Variants in LRMDA observed in about 807,000 individuals in gnomAD.
The protein encoded by LRMDA is leucine-rich melanocyte differentiation-associated protein.
LRMDA carries 18 observed loss-of-function variants against 29.8 expected under a neutral mutation model. The observed-to-expected ratio is 0.60, with a 90% CI of 0.42 to 0.90. The LOEUF is 0.90. LRMDA is among the 40% of genes least tolerant of loss of function. The probability of loss-of-function intolerance (pLI) is 0.00; values close to 1 mark genes in which losing one functional copy is unlikely to be tolerated. For missense variants in LRMDA, 273 were observed against 273.9 expected, an observed-to-expected ratio of 1.00 and a Z score of 0.02; for synonymous variants, 125 against 109.4, an observed-to-expected ratio of 1.14 and a Z score of -0.89.
intron 2 of LRMDA, among the ~76,000 whole-genome samples, chr10:75,732,380 G>C (rs190211527): frequency 6.6e-6 from 1 of 152,320 alleles, no homozygotes; most frequent in Admixed American, 6.5e-5. Flanking sequence ...TCTTGGGCAA[G>C]AGTACAAATG....
intron 6 of LRMDA, among the ~76,000 whole-genome samples, chr10:76,511,516 T>C (rs772643930): frequency 5.9e-5 from 9 of 152,088 alleles, no homozygotes; most frequent in Non-Finnish European, 8.8e-5. Flanking sequence ...TTAGAACTAA[T>C]ACATGAGTTA....
At chr10:76,374,127 T>C (rs1841487802) in intron 6 of LRMDA, among the ~76,000 whole-genome samples, 1 of 152,228 alleles carries the variant, frequency 6.6e-6, no homozygotes, top group Non-Finnish European at 1.5e-5. Flanking sequence ...CACTAACGGA[T>C]CATTCATTAT....
chr10:75,711,919 AACACACACAC>A (rs146819347), intron 2 of LRMDA, among the ~76,000 whole-genome samples: 2 of 149,240 alleles, frequency 1.3e-5, no homozygotes, highest in South Asian at 4.3e-4. Flanking sequence ...TTGAAGGTAA[AACACACACAC>A]ACACACACAC....
In LRMDA at chr10:76,058,795, A is replaced by T. The variant is rs1171702321; in HGVS notation, c.516+12A>T. 2 of 1,588,012 alleles carry T rather than the reference A, an allele frequency of 1.3e-6. No homozygotes were observed. ...TGGTGAAGCCCAAGGTGAGCTGCCT[A>T]CTTGCTGTTCTTCACAAGGGATTTA... is the stretch of plus-strand genomic sequence containing the variant. On this transcript the variant is annotated intron_variant, in intron 5 of 6. Transcript: ENST00000611255.
intron 2 of LRMDA, among the ~76,000 whole-genome samples, chr10:75,632,766 TGTTTA>T (rs1564526933): frequency 2.6e-5 from 4 of 151,134 alleles, no homozygotes; most frequent in East Asian, 1.9e-4. Context: ...TTAGTTTTTT[TGTTTA>T]GTTTAGTTTA....
At chr10:75,991,669 A>G (rs1199675468) in intron 2 of LRMDA, among the ~76,000 whole-genome samples, 1 of 152,206 alleles carries the variant, frequency 6.6e-6, no homozygotes, top group African/African-American at 2.4e-5. Flanking sequence ...AGTGGTACCT[A>G]CTAGAGTTGA....
At chr10:75,533,425 G>GTT (rs892924941) in intron 2 of LRMDA, among the ~76,000 whole-genome samples, 46 of 152,338 alleles carry the variant, frequency 3.0e-4, no homozygotes, top group African/African-American at 1.0e-3. Flanking sequence ...GCCTGGGAGA[G>GTT]TTTCGTGCAG....
At chr10:76,157,744 A>C (rs1364277680) in intron 5 of LRMDA, among the ~76,000 whole-genome samples, 1 of 152,096 alleles carries the variant, frequency 6.6e-6, no homozygotes, top group Non-Finnish European at 1.5e-5. Flanking sequence ...GTGTATAGGC[A>C]TGTGTCACTT....
At chr10:75,584,530 G>T (rs1840634564) in intron 2 of LRMDA, among the ~76,000 whole-genome samples, 1 of 152,176 alleles carries the variant, frequency 6.6e-6, no homozygotes, top group South Asian at 2.1e-4. Flanking sequence ...TGGATGTGTG[G>T]ATGGGTAGAT....
At chr10:76,183,043 C>T (rs539750206) in intron 5 of LRMDA, among the ~76,000 whole-genome samples, 1 of 152,120 alleles carries the variant, frequency 6.6e-6, no homozygotes, top group Non-Finnish European at 1.5e-5. Flanking sequence ...CAATATGGAC[C>T]CAAAAGAGGA....
At chr10:75,832,626 T>C (rs1844365049) in intron 2 of LRMDA, among the ~76,000 whole-genome samples, 1 of 152,212 alleles carries the variant, frequency 6.6e-6, no homozygotes, top group Non-Finnish European at 1.5e-5. Context: ...ACTGTATTAA[T>C]CTGTCTTCAC....
rs140910997 is a variant in LRMDA, at chr10:76,550,939, C to A, written c.602-6270C>A. ...TCCACTAAATCCTGTGTGATAGCCACAGCAGAGCTGATAGCACATCACATG... is the reference window on the plus strand; with the variant it reads ...TCCACTAAATCCTGTGTGATAGCCAAAGCAGAGCTGATAGCACATCACATG... On this transcript the variant is annotated intron_variant, in intron 6 of 6. Transcript: ENST00000611255. Among the ~76,000 whole-genome samples the A allele has an allele frequency of 2.2e-3, 340 of 152,336 alleles. 1 individual carries two copies. The highest frequency in any genetic ancestry group is 8.0e-3 in the African/African-American group (334 of 41,578).
chr10:76,181,499 C>T (rs1253797330), intron 5 of LRMDA, among the ~76,000 whole-genome samples: 1 of 152,150 alleles, frequency 6.6e-6, no homozygotes, highest in African/African-American at 2.4e-5. Context: ...TATTTGTTGG[C>T]TTGTAAATCT....
chr10:75,967,273 A>G (rs1303264987), intron 2 of LRMDA, among the ~76,000 whole-genome samples: 1 of 152,218 alleles, frequency 6.6e-6, no homozygotes, highest in Non-Finnish European at 1.5e-5. Context: ...CTTTAATTAC[A>G]TAGCATCTTA....
chr10:75,795,214 T>G (rs931773694), intron 2 of LRMDA, among the ~76,000 whole-genome samples: 3 of 151,968 alleles, frequency 2.0e-5, no homozygotes, highest in African/African-American at 7.3e-5. Flanking sequence ...ACCAACATGG[T>G]GAAACCCTGT....
At chr10:76,298,716 T>TA (rs1463628864) in intron 5 of LRMDA, among the ~76,000 whole-genome samples, 1 of 152,212 alleles carries the variant, frequency 6.6e-6, no homozygotes, top group Non-Finnish European at 1.5e-5. Flanking sequence ...GGCTGTGCCT[T>TA]AAAAAGTTAC....
intron 5 of LRMDA, among the ~76,000 whole-genome samples, chr10:76,221,291 G>A (rs1422911628): frequency 6.6e-6 from 1 of 152,176 alleles, no homozygotes; most frequent in Non-Finnish European, 1.5e-5. Flanking sequence ...GCAGGAGAAG[G>A]AAATAAAGGG....
chr10:75,940,262 G>A (rs1353907890), intron 2 of LRMDA, among the ~76,000 whole-genome samples: 2 of 152,136 alleles, frequency 1.3e-5, no homozygotes, highest in Non-Finnish European at 2.9e-5. Flanking sequence ...GTAAGCGGCT[G>A]GGGGTGGGAA....
At chr10:75,642,718 C>T (rs1490902290) in intron 2 of LRMDA, 1 of 152,150 alleles carries the variant, frequency 6.6e-6, no homozygotes, top group African/African-American at 2.4e-5. Context: ...GGCATAGGTA[C>T]ACCTTGCTTT....
Sources: allele counts gnomAD v4.1 joint callset (sites outside exome capture counted in the v4.1 genomes callset), GRCh38; gene constraint gnomAD v4.1.1; transcripts MANE v1.5; gene names NCBI Gene and HGNC (gene_info 2026-07-23, HGNC 2026-07-21).